Variants in GRID1 observed in about 807,000 individuals in gnomAD.
The protein encoded by GRID1 is glutamate ionotropic receptor delta type subunit 1.
A neutral mutation model predicts 98.0 loss-of-function variants in GRID1; 28 were observed. The observed-to-expected ratio is 0.29, with a 90% CI of 0.21 to 0.39. The LOEUF is 0.39. Among genes scored for constraint, GRID1 ranks in the 10% least tolerant of loss-of-function variants. The pLI is 1.00. For synonymous variants in GRID1, 553 were observed against 538.5 expected, an observed-to-expected ratio of 1.03 and a Z score of -0.37; for missense variants, 1,111 against 1,340.5, an observed-to-expected ratio of 0.83 and a Z score of 2.67.
At position 86,364,818 on chromosome 10, in the gene GRID1, G is replaced by T. The variant is rs186655120; in HGVS notation, c.80-722C>A. Among the ~76,000 whole-genome samples the T allele has an allele frequency of 1.9e-3, 292 of 152,384 alleles. 3 individuals carry two copies. The East Asian group carries it at 0.044, about 23-fold the overall frequency. On this transcript the variant is annotated intron_variant, in intron 1 of 15. Coordinates refer to ENST00000327946, the MANE Select transcript of GRID1 (RefSeq NM_017551.3). ...ACGTTCAGATCTAGCGGAGCTGGGG[G>T]TCCCAGAAGGAGCTGCTCTTGAAGG... is the stretch of plus-strand genomic sequence containing the variant.
At chr10:86,080,466 G>GGGAAT (rs1843960291) in intron 4 of GRID1, among the ~76,000 whole-genome samples, 1 of 73,086 alleles carries the variant, frequency 1.4e-5, no homozygotes, top group East Asian at 3.2e-4. Flanking sequence ...GGGGAGGGGA[G>GGGAAT]GGAAGGGAAG....
intron 8 of GRID1, among the ~76,000 whole-genome samples, chr10:85,770,600 C>T (rs1008680099): frequency 6.6e-6 from 1 of 152,084 alleles, no homozygotes; most frequent in South Asian, 2.1e-4. Flanking sequence ...GAATGTATAA[C>T]TAGAATAACC....
At chr10:86,151,580 T>A (rs988866521) in intron 3 of GRID1, among the ~76,000 whole-genome samples, 1 of 152,200 alleles carries the variant, frequency 6.6e-6, no homozygotes, top group Non-Finnish European at 1.5e-5. Context: ...TAATTTGCAA[T>A]CAGTATTAAT....
At chr10:86,169,688 T>C (rs1233704624) in intron 3 of GRID1, among the ~76,000 whole-genome samples, 1 of 152,132 alleles carries the variant, frequency 6.6e-6, no homozygotes, top group African/African-American at 2.4e-5. Context: ...TGAAACATGG[T>C]CACTTTCAAT....
chr10:85,685,457 A>T (rs1365783989), intron 12 of GRID1, among the ~76,000 whole-genome samples: 1 of 152,204 alleles, frequency 6.6e-6, no homozygotes, highest in Non-Finnish European at 1.5e-5. Context: ...CAGAAAACTC[A>T]GTATTATAAT....
At chr10:86,305,909 C>T (rs1032074452) in intron 2 of GRID1, among the ~76,000 whole-genome samples, 2 of 152,196 alleles carry the variant, frequency 1.3e-5, no homozygotes, top group African/African-American at 2.4e-5. Flanking sequence ...AAGACACAAG[C>T]CTTCTCTTTC....
chr10:85,923,713 A>G (rs1841737696), intron 4 of GRID1, among the ~76,000 whole-genome samples: 1 of 152,174 alleles, frequency 6.6e-6, no homozygotes, highest in African/African-American at 2.4e-5. Flanking sequence ...TGCAAAACCC[A>G]TATGGTTTCT....
intron 2 of GRID1, among the ~76,000 whole-genome samples, chr10:86,323,463 A>G (rs1275886262): frequency 6.6e-6 from 1 of 152,252 alleles, no homozygotes; most frequent in Non-Finnish European, 1.5e-5. Context: ...GAGAAATGGC[A>G]TAAACCTTAA....
At chr10:86,234,386 A>C (rs1414356587) in intron 2 of GRID1, among the ~76,000 whole-genome samples, 1 of 152,226 alleles carries the variant, frequency 6.6e-6, no homozygotes, top group East Asian at 1.9e-4. Flanking sequence ...AATGAAAGCC[A>C]AACAACGGCA....
chr10:86,240,308 C>T (rs1330611838), intron 2 of GRID1, among the ~76,000 whole-genome samples: 1 of 152,128 alleles, frequency 6.6e-6, no homozygotes, highest in Non-Finnish European at 1.5e-5. Flanking sequence ...ACTTTCCACC[C>T]CCATCACTCC....
chr10:86,313,503 T>C lies in GRID1; in HGVS notation c.235+50438A>G, dbSNP rs368384890. 1.5e-4 allele frequency among the ~76,000 whole-genome samples: 23 copies of C among 152,210 alleles called. No homozygotes were observed. The East Asian group carries it at 4.4e-3, about 29-fold the overall frequency. On this transcript the variant is annotated intron_variant, in intron 2 of 15. Coordinates refer to ENST00000327946, the MANE Select transcript of GRID1 (RefSeq NM_017551.3). ...TCTCCAGGCCTCTGAGCTCCCCTCC[T>C]CAGATCCCCACTCCCCAGAACTTGA...
chr10:85,984,087 C>G (rs1270800645), intron 4 of GRID1, among the ~76,000 whole-genome samples: 1 of 152,058 alleles, frequency 6.6e-6, no homozygotes, highest in Non-Finnish European at 1.5e-5. Flanking sequence ...CTCTCCATCT[C>G]TCCTCCATGA....
chr10:86,105,617 G>A (rs4934150), intron 4 of GRID1, among the ~76,000 whole-genome samples: 115,731 of 152,068 alleles, frequency 0.76, 44,674 homozygotes, highest in Non-Finnish European at 0.83. Context: ...CGGGGCACAC[G>A]GAGCCTTCAT....
intron 8 of GRID1, among the ~76,000 whole-genome samples, chr10:85,750,181 G>A (rs1226813218): frequency 6.6e-6 from 1 of 152,130 alleles, no homozygotes; most frequent in South Asian, 2.1e-4. Flanking sequence ...ATTCCAACAG[G>A]AGCATCTATT....
intron 12 of GRID1, among the ~76,000 whole-genome samples, chr10:85,648,818 C>G (rs1031462630): frequency 2.0e-5 from 3 of 152,220 alleles, no homozygotes; most frequent in African/African-American, 7.2e-5. Context: ...GCCCTCTCCA[C>G]ACCTTGTGGG....
At chr10:85,963,918 G>A (rs7918491) in intron 4 of GRID1, among the ~76,000 whole-genome samples, 20,428 of 152,100 alleles carry the variant, frequency 0.13, 1,494 homozygotes, top group Admixed American at 0.22. Context: ...TTTATACATG[G>A]CAGAGTAAGG....
chr10:86,021,590 T>A (rs976449241), intron 4 of GRID1, among the ~76,000 whole-genome samples: 1 of 152,126 alleles, frequency 6.6e-6, no homozygotes, highest in Non-Finnish European at 1.5e-5. Flanking sequence ...AAGATTTCTA[T>A]ATCCCCTCAG....
Position 85,831,973 on chromosome 10 carries a change from C to T in GRID1, c.1233+22523G>A, listed in dbSNP as rs551991521. Among the ~76,000 whole-genome samples the T allele has an allele frequency of 4.0e-5, 6 of 151,132 alleles. No homozygotes were observed. In the East Asian group the frequency reaches 1.2e-3, roughly 29 times the overall value. Reference sequence around the variant, plus strand: ...AACAAAGATTAATAAAAATTTTAAACAAAACAAAGTAATAAGGCCAAAATT... The same window carrying T: ...AACAAAGATTAATAAAAATTTTAAATAAAACAAAGTAATAAGGCCAAAATT... On this transcript the variant is annotated intron_variant, in intron 8 of 15. Transcript: ENST00000327946.
At chr10:86,098,994 G>T (rs933278168) in intron 4 of GRID1, among the ~76,000 whole-genome samples, 1 of 152,146 alleles carries the variant, frequency 6.6e-6, no homozygotes, top group African/African-American at 2.4e-5. Context: ...AGCACACTCT[G>T]GTTTGATTTT....
Sources: allele counts gnomAD v4.1 joint callset (sites outside exome capture counted in the v4.1 genomes callset), GRCh38; gene constraint gnomAD v4.1.1; transcripts MANE v1.5; gene names NCBI Gene and HGNC (gene_info 2026-07-23, HGNC 2026-07-21).